NAV3: variants seen among roughly 807,000 people sequenced by gnomAD.
NAV3 encodes pore membrane and/or filament interacting like protein 1.
NAV3 carries 87 observed loss-of-function variants against 244.7 expected under a neutral mutation model. That is an observed-to-expected ratio of 0.36 (90% confidence interval 0.30 to 0.42). The LOEUF (loss-of-function observed/expected upper bound fraction) is 0.42. Among genes scored for constraint, NAV3 ranks in the 20% least tolerant of loss-of-function variants. The pLI is 1.00. For synonymous variants in NAV3, 1,126 were observed against 1,042.2 expected, an observed-to-expected ratio of 1.08 and a Z score of -1.55; for missense variants, 2,663 against 2,893.3, an observed-to-expected ratio of 0.92 and a Z score of 1.83.
At chr12:78,000,965 G>A (rs566283704) in intron 7 of NAV3, among the ~76,000 whole-genome samples, 172 of 91,078 alleles carry the variant, frequency 1.9e-3, no homozygotes, top group African/African-American at 6.7e-3. Flanking sequence ...GCGACAGAGC[G>A]AGACTGGGTC....
intron 9 of NAV3, among the ~76,000 whole-genome samples, chr12:78,039,128 T>G (rs190596289): frequency 5.6e-4 from 85 of 152,266 alleles, no homozygotes; most frequent in African/African-American, 1.9e-3. Flanking sequence ...TTCAAATAGC[T>G]GTGATATGAA....
chr12:77,591,398 ATAT>A (rs927135246), intron 2 of NAV3, among the ~76,000 whole-genome samples: 1 of 152,216 alleles, frequency 6.6e-6, no homozygotes, highest in African/African-American at 2.4e-5. Flanking sequence ...AGTATGAGAA[ATAT>A]TTGTGATGTT....
At chr12:78,205,635 T>C (rs983276207) in intron 39 of NAV3, among the ~76,000 whole-genome samples, 4 of 152,072 alleles carry the variant, frequency 2.6e-5, no homozygotes, top group East Asian at 1.9e-4. Flanking sequence ...GAAGTTATGG[T>C]TTATTTACTT....
intron 2 of NAV3, among the ~76,000 whole-genome samples, chr12:77,757,651 T>C (rs919392669): frequency 3.3e-5 from 5 of 152,220 alleles, no homozygotes; most frequent in Admixed American, 3.3e-4. Flanking sequence ...CCTTTTATGA[T>C]TCCAAATTTC....
intron 2 of NAV3, among the ~76,000 whole-genome samples, chr12:77,711,400 C>T (rs1237049345): frequency 1.3e-5 from 2 of 152,192 alleles, no homozygotes; most frequent in African/African-American, 4.8e-5. Flanking sequence ...TTATGATGTC[C>T]TTTCCCTGAC....
chr12:77,940,215 T>C, intron 1 of NAV3, 104 bp from the exon 2 acceptor site: 1 of 788,126 alleles, frequency 1.3e-6, no homozygotes, highest in Non-Finnish European at 2.1e-6. Context: ...AACTGGAATG[T>C]GATCCAGAAT....
intron 23 of NAV3, among the ~76,000 whole-genome samples, chr12:78,164,788 GT>G (rs1957710271): frequency 6.6e-6 from 1 of 151,976 alleles, no homozygotes; most frequent in Admixed American, 6.6e-5. Flanking sequence ...GATTAACTTA[GT>G]GCCAATGTGA....
chr12:78,136,593 A>G (rs1956382544), intron 18 of NAV3, among the ~76,000 whole-genome samples: 1 of 152,208 alleles, frequency 6.6e-6, no homozygotes, highest in African/African-American at 2.4e-5. Flanking sequence ...GGTGGGCTGC[A>G]GATACCATGT....
chr12:77,696,596 A>G (rs527642684), intron 2 of NAV3, among the ~76,000 whole-genome samples: 1 of 152,144 alleles, frequency 6.6e-6, no homozygotes, highest in Non-Finnish European at 1.5e-5. Context: ...GAATTATGAG[A>G]TGATAAACAT....
intron 2 of NAV3, among the ~76,000 whole-genome samples, chr12:77,686,453 CAG>C (rs1344917366): frequency 2.8e-4 from 35 of 125,526 alleles, no homozygotes; most frequent in African/African-American, 8.8e-4. Context: ...TTTTTAAAAA[CAG>C]AGGCTTTGTT....
At chr12:77,923,415 C>T (rs1197789258) in intron 1 of NAV3, among the ~76,000 whole-genome samples, 1 of 152,116 alleles carries the variant, frequency 6.6e-6, no homozygotes, top group Non-Finnish European at 1.5e-5. Context: ...AAGTGATCAT[C>T]TTCCAAATTT....
chr12:77,758,917 G>A (rs1239331254), intron 2 of NAV3, among the ~76,000 whole-genome samples: 1 of 152,194 alleles, frequency 6.6e-6, no homozygotes, highest in Non-Finnish European at 1.5e-5. Flanking sequence ...TTAAGCCAAA[G>A]CATCATTTCA....
chr12:77,671,515 A>G (rs1474129693), intron 2 of NAV3, among the ~76,000 whole-genome samples: 2 of 152,174 alleles, frequency 1.3e-5, no homozygotes, highest in South Asian at 2.1e-4. Context: ...TTCAAACTAT[A>G]CTATAATGCC....
chr12:77,811,609 C>T (rs1213276800), intron 2 of NAV3, among the ~76,000 whole-genome samples: 2 of 152,174 alleles, frequency 1.3e-5, no homozygotes, highest in African/African-American at 4.8e-5. Context: ...ATGCACAACA[C>T]ATAGTGAGTG....
chr12:77,927,896 C>T (rs1009608963), intron 1 of NAV3, among the ~76,000 whole-genome samples: 6 of 151,872 alleles, frequency 4.0e-5, no homozygotes, highest in South Asian at 4.2e-4. Flanking sequence ...CATGAGGTTG[C>T]CCAGTATGAC....
At chr12:78,168,424 A>T (rs1197032410) in intron 23 of NAV3, among the ~76,000 whole-genome samples, 1 of 151,856 alleles carries the variant, frequency 6.6e-6, no homozygotes, top group African/African-American at 2.4e-5. Flanking sequence ...AGGTAATATT[A>T]GTAAGTGTGT....
In NAV3 at chr12:78,181,015, A is replaced by T; in HGVS notation, c.5662A>T (p.Asn1888Tyr). 1 of 1,613,096 alleles carries T rather than the reference A, an allele frequency of 6.2e-7. No individual in the cohort carries two copies. The highest frequency in any genetic ancestry group is 1.1e-5 in the South Asian group (1 of 91,040). ...GCAGTCATTAGGACTTTCTCTAAAC[A>T]ATTTGAACATCACAGAGGCTGTTAG... is the stretch of plus-strand genomic sequence containing the variant. ...SRQSLGLSLN[N>Y]LNITEAVSSD... Residue 1888 changes from asparagine to tyrosine, a missense_variant, in exon 30 of 40, where the codon AAT becomes TAT. Coordinates refer to ENST00000397909, the MANE Select transcript of NAV3 (RefSeq NM_001024383.2).
intron 39 of NAV3, among the ~76,000 whole-genome samples, chr12:78,209,547 GAA>G (rs564010938): frequency 3.1e-5 from 4 of 128,612 alleles, no homozygotes; most frequent in African/African-American, 2.9e-5. Context: ...CTTTTTTTCC[GAA>G]AAAAAAAAAA....
chr12:78,059,116 G>T lies in NAV3; in HGVS notation c.2636+1G>T, dbSNP rs1274897120. ...ACGATGTGACAGTGGATGCAGACAG[G>T]TAATGCTATCAGCATATATGATGGT... On this transcript the variant is annotated splice_donor_variant, in intron 12 of 39. Coordinates refer to ENST00000397909, the MANE Select transcript of NAV3 (RefSeq NM_001024383.2). LOFTEE classifies it high-confidence loss of function. 1 of 1,609,540 alleles carries T rather than the reference G, an allele frequency of 6.2e-7. No homozygotes were observed. Among genetic ancestry groups the T allele is most frequent in the Non-Finnish European group, 8.5e-7 (1 of 1,178,038 alleles).
Sources: allele counts gnomAD v4.1 joint callset (sites outside exome capture counted in the v4.1 genomes callset), GRCh38; gene constraint gnomAD v4.1.1; transcripts MANE v1.5; gene names NCBI Gene and HGNC (gene_info 2026-07-23, HGNC 2026-07-21).